PRUNE2: variants seen among roughly 807,000 people sequenced by gnomAD.
PRUNE2 encodes protein prune homolog 2.
In PRUNE2, 164 loss-of-function variants were observed where a neutral mutation model predicts 252.0. That is an observed-to-expected ratio of 0.65 (90% confidence interval 0.57 to 0.74). The LOEUF (loss-of-function observed/expected upper bound fraction) is 0.74, where lower values mean the gene tolerates loss of function less well. PRUNE2 is among the 30% of genes least tolerant of loss of function. The probability of loss-of-function intolerance (pLI) is 0.00; values close to 1 mark genes in which losing one functional copy is unlikely to be tolerated. For synonymous variants in PRUNE2, 1,292 were observed against 1,350.2 expected (o/e 0.96, Z 0.94); for missense variants, 3,495 against 3,711.0 (o/e 0.94, Z 1.51).
At chr9:76,689,022 T>C (rs1231184500) in intron 9 of PRUNE2, among the ~76,000 whole-genome samples, 1 of 152,180 alleles carries the variant, frequency 6.6e-6, no homozygotes, top group Non-Finnish European at 1.5e-5. Flanking sequence ...GAAGCAACAC[T>C]TTCTGACCTT....
intron 15 of PRUNE2, among the ~76,000 whole-genome samples, chr9:76,631,070 A>C (rs1270326133): frequency 6.6e-6 from 1 of 152,138 alleles, no homozygotes; most frequent in Non-Finnish European, 1.5e-5. Context: ...GGCCCAAGAC[A>C]CTTGTGAACA....
At chr9:76,621,270 C>G (rs987605232) in intron 17 of PRUNE2, among the ~76,000 whole-genome samples, 46 of 152,272 alleles carry the variant, frequency 3.0e-4, no homozygotes, top group East Asian at 5.8e-4. Flanking sequence ...AACCATAGAT[C>G]TGCAGTGATC....
intron 6 of PRUNE2, among the ~76,000 whole-genome samples, chr9:76,717,758 T>G (rs1161760551): frequency 6.6e-6 from 1 of 152,202 alleles, no homozygotes; most frequent in Non-Finnish European, 1.5e-5. Context: ...AGTTACTTTA[T>G]GAATCATTGC....
At chr9:76,811,265 A>G (rs937513914) in intron 6 of PRUNE2, among the ~76,000 whole-genome samples, 2 of 152,230 alleles carry the variant, frequency 1.3e-5, no homozygotes, top group African/African-American at 4.8e-5. Flanking sequence ...CTTCTCATAA[A>G]GAAAAATGTA....
At chr9:76,622,087 A>G (rs916156874) in intron 17 of PRUNE2, among the ~76,000 whole-genome samples, 1 of 152,188 alleles carries the variant, frequency 6.6e-6, no homozygotes, top group Non-Finnish European at 1.5e-5. Flanking sequence ...AGGTCATTGC[A>G]ATGCACAATA....
At chr9:76,684,672 C>T (rs1588570982) in intron 9 of PRUNE2, among the ~76,000 whole-genome samples, 1 of 152,178 alleles carries the variant, frequency 6.6e-6, no homozygotes, top group East Asian at 1.9e-4. Flanking sequence ...CCTTTCACAC[C>T]AGTTTAAGAA....
chr9:76,850,816 C>T (rs1232310858), intron 2 of PRUNE2, 151 bp from the exon 3 acceptor site: 2 of 618,108 alleles, frequency 3.2e-6, no homozygotes, highest in Middle Eastern at 3.6e-4. Context: ...TTTTCCTGAA[C>T]CCAATTAATA....
chr9:76,757,961 C>T (rs2051312492), intron 6 of PRUNE2, among the ~76,000 whole-genome samples: 1 of 152,158 alleles, frequency 6.6e-6, no homozygotes, highest in Non-Finnish European at 1.5e-5. Context: ...TTACATAAAA[C>T]ATCATTTGAA....
intron 6 of PRUNE2, among the ~76,000 whole-genome samples, chr9:76,795,106 G>T (rs751705754): frequency 1.3e-5 from 2 of 152,108 alleles, no homozygotes; most frequent in Non-Finnish European, 2.9e-5. Flanking sequence ...CGCTGGCCAG[G>T]GTGACTGGGT....
intron 1 of PRUNE2, among the ~76,000 whole-genome samples, chr9:76,897,470 G>C (rs1319459082): frequency 1.5e-5 from 2 of 133,418 alleles, no homozygotes; most frequent in African/African-American, 5.7e-5. Flanking sequence ...AAGGAGTGCA[G>C]AGGCATGATC....
intron 6 of PRUNE2, among the ~76,000 whole-genome samples, chr9:76,805,241 AGTCCTAGCCT>A (rs898923950): frequency 3.0e-4 from 46 of 152,204 alleles, no homozygotes; most frequent in African/African-American, 1.1e-3. Context: ...TGCATCAGCC[AGTCCTAGCCT>A]GTCCTAGCCC....
chr9:76,776,261 G>C (rs1316557182), intron 6 of PRUNE2, among the ~76,000 whole-genome samples: 3 of 152,136 alleles, frequency 2.0e-5, no homozygotes, highest in Non-Finnish European at 2.9e-5. Flanking sequence ...GTACCCAATG[G>C]GTAATTTTTC....
At chr9:76,880,984 G>A (rs1180270276) in intron 1 of PRUNE2, among the ~76,000 whole-genome samples, 7 of 141,082 alleles carry the variant, frequency 5.0e-5, no homozygotes, top group East Asian at 2.0e-4. Context: ...TTTTTGAGAC[G>A]GAGTCTCGCT....
At chr9:76,754,748 C>T (rs7035263) in intron 6 of PRUNE2, among the ~76,000 whole-genome samples, 59,382 of 151,746 alleles carry the variant, frequency 0.39, 11,983 homozygotes, top group Admixed American at 0.52. Context: ...GGGTAGATCA[C>T]GAGATCAAGA....
chr9:76,846,895 C>A, intron 3 of PRUNE2, among the ~76,000 whole-genome samples: 1 of 152,192 alleles, frequency 6.6e-6, no homozygotes, highest in East Asian at 1.9e-4. Context: ...TACGTACATA[C>A]CTTCCCAGCT....
chr9:76,684,514 C>T (rs1219693794), intron 9 of PRUNE2, among the ~76,000 whole-genome samples: 1 of 152,208 alleles, frequency 6.6e-6, no homozygotes, highest in Non-Finnish European at 1.5e-5. Flanking sequence ...TCTAAGTTAG[C>T]TACCTCTTCG....
In PRUNE2 at chr9:76,631,937, G is replaced by A. The variant is rs149690415; in HGVS notation, c.9051-2647C>T. Among the ~76,000 whole-genome samples, 817 of 152,166 alleles carry A rather than the reference G, an allele frequency of 5.4e-3. 3 individuals carry two copies. In the Middle Eastern group the frequency reaches 0.055, roughly 10 times the overall value. ...CTTAGGATAACTCACTTATGATAAT[G>A]ACCTCCAGCTCCATCCATGTTGTTG... On this transcript the variant is annotated intron_variant, in intron 15 of 18. Transcript: ENST00000376718.
chr9:76,834,974 T>C (rs2058875400), intron 4 of PRUNE2, among the ~76,000 whole-genome samples: 1 of 152,150 alleles, frequency 6.6e-6, no homozygotes. Context: ...ATGAAAGAAA[T>C]ACTGAAATCC....
At chr9:76,870,965 G>C (rs951500892) in intron 1 of PRUNE2, among the ~76,000 whole-genome samples, 2 of 152,156 alleles carry the variant, frequency 1.3e-5, no homozygotes, top group East Asian at 3.8e-4. Flanking sequence ...GCAACTGCTG[G>C]GCAGCTACTA....
Sources: allele counts gnomAD v4.1 joint callset (sites outside exome capture counted in the v4.1 genomes callset), GRCh38; gene constraint gnomAD v4.1.1; transcripts MANE v1.5; gene names NCBI Gene and HGNC (gene_info 2026-07-23, HGNC 2026-07-21).